The following PPP2R1B variants were observed in gnomAD, a reference collection of about 807,000 sequenced individuals.
PPP2R1B encodes the protein serine/threonine-protein phosphatase 2A 65 kDa regulatory subunit A beta isoform.
PPP2R1B carries 58 observed loss-of-function variants against 72.7 expected under a neutral mutation model. That is an observed-to-expected ratio of 0.80 (90% confidence interval 0.65 to 0.99). The LOEUF (loss-of-function observed/expected upper bound fraction) is 0.99. Ranked by LOEUF, PPP2R1B falls within the 50% of genes least tolerant of loss-of-function variation. The pLI is 0.00. For synonymous variants in PPP2R1B, 256 were observed against 264.6 expected (o/e 0.97, Z 0.32); for missense variants, 695 against 733.6 (o/e 0.95, Z 0.61).
At chr11:111,741,888 G>A in intron 14 of PPP2R1B, 165 bp downstream of exon 14, 2 of 780,026 alleles carry the variant, frequency 2.6e-6, no homozygotes, top group Non-Finnish European at 4.4e-6. Flanking sequence ...AAAATGGTGG[G>A]CCAAGAGGGT....
At chr11:111,698,906 ATAGTCCTTGACTCATTTAACATC>A in the PPP2R1B span, among the ~76,000 whole-genome samples, 1 of 152,242 alleles carries the variant, frequency 6.6e-6, no homozygotes, top group Non-Finnish European at 1.5e-5. Flanking sequence ...ACATTTGAAC[ATAGTCCTTGACTCATTTAACATC>A]TAGTCCTTGA....
At chr11:111,695,622 G>C in the PPP2R1B span, among the ~76,000 whole-genome samples, 1 of 152,152 alleles carries the variant, frequency 6.6e-6, no homozygotes, top group Non-Finnish European at 1.5e-5. Context: ...AGCAGCATGA[G>C]CATCACATCA....
downstream of PPP2R1B, chr11:111,723,466 A>G: frequency 6.4e-7 from 1 of 1,553,698 alleles, no homozygotes; most frequent in Non-Finnish European, 8.7e-7. Context: ...AGAAGATTTA[A>G]AATTCTTTCC....
chr11:111,712,125 GA>G, the PPP2R1B span: 3 of 1,313,890 alleles, frequency 2.3e-6, no homozygotes, highest in Non-Finnish European at 3.2e-6. Context: ...ATTGCCACAG[GA>G]AGAATTATTT....
At position 111,766,382 on chromosome 11, in the gene PPP2R1B, T is replaced by C. The variant is rs781873220; in HGVS notation, c.-21A>G. 1 of 448,438 alleles carries C rather than the reference T, an allele frequency of 2.2e-6. No individual in the cohort carries two copies. Among genetic ancestry groups the C allele is most frequent in the South Asian group, 2.4e-5 (1 of 42,552 alleles). The allele number at this position is 448,438 out of a possible 1,614,324, so 27.8% of individuals were successfully genotyped here. A position where few individuals can be genotyped will look rare whatever the true frequency, so the allele number is the denominator to read the frequency against. ...GCCATGTTCTTTCTCCTCCTGCTGCTGGTCACCGCCTCCCGCCCCGCGCCC... is the reference window on the plus strand; with the variant it reads ...GCCATGTTCTTTCTCCTCCTGCTGCCGGTCACCGCCTCCCGCCCCGCGCCC... On this transcript the variant is annotated 5_prime_UTR_variant, in exon 1 of 15. Coordinates refer to ENST00000527614, the MANE Select transcript of PPP2R1B (RefSeq NM_002716.5).
chr11:111,766,006 A>C, intron 1 of PPP2R1B: 22 of 555,364 alleles, frequency 4.0e-5, no homozygotes, highest in East Asian at 7.3e-5. Flanking sequence ...CCGCCCGGGA[A>C]GGGCAAGGCT....
the PPP2R1B span, among the ~76,000 whole-genome samples, chr11:111,691,144 G>A: frequency 3.0e-3 from 459 of 152,254 alleles, 1 homozygote; most frequent in African/African-American, 0.01. Context: ...TAAAATATAC[G>A]TGGGTCAAAT....
At chr11:111,715,174 C>T in the PPP2R1B span, among the ~76,000 whole-genome samples, 1,399 of 152,352 alleles carry the variant, frequency 9.2e-3, 11 homozygotes, top group Non-Finnish European at 0.016. Context: ...CCCACACTGG[C>T]AATGCCATGC....
the PPP2R1B span, among the ~76,000 whole-genome samples, chr11:111,698,262 G>A: frequency 1.5e-3 from 226 of 152,286 alleles, 2 homozygotes; most frequent in African/African-American, 5.3e-3. Flanking sequence ...GGGCTACCAC[G>A]GGTCCAGAGA....
the PPP2R1B span, chr11:111,718,819 A>T: frequency 3.3e-5 from 5 of 152,372 alleles, no homozygotes; most frequent in Middle Eastern, 3.4e-3. Context: ...GCAGCTATTC[A>T]TAGGAGAAAA....
the PPP2R1B span, among the ~76,000 whole-genome samples, chr11:111,691,677 C>T: frequency 2.0e-5 from 3 of 152,202 alleles, no homozygotes; most frequent in African/African-American, 7.2e-5. Context: ...CACACACACA[C>T]ATGTGTGCAC....
the PPP2R1B span, among the ~76,000 whole-genome samples, chr11:111,713,579 G>A: frequency 6.6e-6 from 1 of 152,164 alleles, no homozygotes; most frequent in Non-Finnish European, 1.5e-5. Flanking sequence ...AGATGAGTGA[G>A]ACATGAACTC....
At chr11:111,711,847 ATTCT>A in the PPP2R1B span, among the ~76,000 whole-genome samples, 1 of 152,196 alleles carries the variant, frequency 6.6e-6, no homozygotes, top group African/African-American at 2.4e-5. Flanking sequence ...AGATTTTTCT[ATTCT>A]TTATCTGTCT....
rs924249255 is a variant in PPP2R1B at position 111,731,981 on chromosome 11, C to T, written c.1912-4924G>A. Among the ~76,000 whole-genome samples the T allele has an allele frequency of 3.9e-5, 6 of 152,216 alleles. No individual in the cohort carries two copies. The East Asian group carries it at 7.7e-4, about 20-fold the overall frequency. ...CCAGTGGCCAGCTAGGCCCCAACCC[C>T]GCACTCCCCAGGACACTCTTCAGTT... On this transcript the variant is annotated intron_variant, in intron 15 of 15. Coordinates refer to the PPP2R1B transcript ENST00000311129.
In PPP2R1B at chr11:111,739,714, A is replaced by G; in HGVS notation, c.*1882T>C. ...GCTTCATGAAGACAAATGTCTCTCA[A>G]ATATGAAATTCAATGAAGAAGAACA... On this transcript the variant is annotated 3_prime_UTR_variant, in exon 15 of 15. Transcript: ENST00000527614. The G allele has an allele frequency of 1.0e-6, 1 of 985,192 alleles. No homozygotes were observed. Among genetic ancestry groups the G allele is most frequent in the Non-Finnish European group, 1.2e-6 (1 of 829,670 alleles). The allele number at this position is 985,192 out of a possible 1,614,324, so 61.0% of individuals were successfully genotyped here.
chr11:111,693,085 G>C, the PPP2R1B span, among the ~76,000 whole-genome samples: 1 of 152,096 alleles, frequency 6.6e-6, no homozygotes. Flanking sequence ...TGTAATCCCA[G>C]CACTTTGAGG....
intron 3 of PPP2R1B, among the ~76,000 whole-genome samples, chr11:111,761,446 A>T (rs1353260893): frequency 6.6e-6 from 1 of 152,244 alleles, no homozygotes; most frequent in African/African-American, 2.4e-5. Flanking sequence ...GGCACCACAA[A>T]TACAGGATAA....
chr11:111,715,636 C>G, the PPP2R1B span, among the ~76,000 whole-genome samples: 1 of 152,100 alleles, frequency 6.6e-6, no homozygotes, highest in Non-Finnish European at 1.5e-5. Flanking sequence ...ATGGTTGGAT[C>G]AGGTGTTCCA....
At chr11:111,765,937 G>A in intron 1 of PPP2R1B, 1 of 530,756 alleles carries the variant, frequency 1.9e-6, no homozygotes, top group South Asian at 1.5e-5. Flanking sequence ...TCGCCCAAGA[G>A]ACGCGGCCAC....
Sources: gnomAD v4.1 joint callset for allele counts (sites outside exome capture counted in the v4.1 genomes callset) on GRCh38, gnomAD v4.1.1 for gene constraint, MANE v1.5 for transcripts, NCBI Gene and HGNC (gene_info 2026-07-23, HGNC 2026-07-21) for gene names.